DLD: variants seen among roughly 807,000 people sequenced by gnomAD.
DLD encodes dihydrolipoamide dehydrogenase, also known as dihydrolipoyl dehydrogenase, mitochondrial.
Under a neutral mutation model 62.2 loss-of-function variants are expected in DLD, and 36 were observed. That is an observed-to-expected ratio of 0.58 (90% CI 0.44 to 0.76). The LOEUF is 0.76. Among genes scored for constraint, DLD ranks in the 30% least tolerant of loss-of-function variants. The pLI is 0.00. For missense variants in DLD, 541 were observed against 608.6 expected (o/e 0.89, Z 1.17); for synonymous variants, 204 against 199.6 (o/e 1.02, Z -0.19).
At chr7:107,902,241 A>T in intron 3 of DLD, 84 bp from the exon 4 acceptor site, 1 of 1,190,106 alleles carries the variant, frequency 8.4e-7, no homozygotes, top group Non-Finnish European at 1.3e-6. Flanking sequence ...TGTTTTGTAG[A>T]AGAATTAAGA....
intron 7 of DLD, 166 bp downstream of exon 7, chr7:107,905,670 G>A: frequency 1.4e-6 from 1 of 713,136 alleles, no homozygotes; most frequent in Non-Finnish European, 2.4e-6. Context: ...CAGTGATTCT[G>A]ACCAGCTATA....
chr7:107,913,239 GCTTT>G (rs1473106001), intron 8 of DLD, among the ~76,000 whole-genome samples: 1 of 151,998 alleles, frequency 6.6e-6, no homozygotes, highest in Admixed American at 6.6e-5. Flanking sequence ...GATGTTTCCA[GCTTT>G]CTTCTTTTTA....
rs2032311388 is a variant in DLD, at chr7:107,917,950, C to T, written c.1263C>T (p.Phe421=). 1 of 1,613,858 alleles carries T rather than the reference C, an allele frequency of 6.2e-7. No individual in the cohort carries two copies. The highest frequency in any genetic ancestry group is 1.7e-5 in the Admixed American group (1 of 59,978). The part of the protein sequence containing the change: ...EEGIEYKVGK[F]PFAANSRAKT... ...GTATTGAGTACAAAGTTGGGAAATT[C>T]CCATTTGCTGCTAACAGCAGAGCTA... Residue 421 remains phenylalanine (F), a synonymous_variant, in exon 12 of 14, where the codon TTC becomes TTT. Coordinates refer to ENST00000205402, the MANE Select transcript of DLD (RefSeq NM_000108.5).
At chr7:107,901,085 G>A (rs1399969747) in intron 2 of DLD, among the ~76,000 whole-genome samples, 3 of 152,016 alleles carry the variant, frequency 2.0e-5, no homozygotes, top group African/African-American at 7.2e-5. Context: ...TTATCTTAAG[G>A]TATGTAAAAA....
At chr7:107,911,703 A>G (rs1448754881) in intron 8 of DLD, among the ~76,000 whole-genome samples, 1 of 149,018 alleles carries the variant, frequency 6.7e-6, no homozygotes, top group Non-Finnish European at 1.5e-5. Flanking sequence ...TTTTTTTTCT[A>G]TTTTTATTTT....
chr7:107,902,487 A>AATTGGAC, intron 4 of DLD, 94 bp downstream of exon 4: 1 of 1,065,302 alleles, frequency 9.4e-7, no homozygotes, highest in East Asian at 2.4e-5. Context: ...TACACTTGTT[A>AATTGGAC]AAAAACAATC....
chr7:107,891,395 CT>C, intron 1 of DLD, 106 bp downstream of exon 1: 1 of 1,286,190 alleles, frequency 7.8e-7, no homozygotes, highest in Non-Finnish European at 1.1e-6. Flanking sequence ...AGGCGGGCGC[CT>C]GGGCCGCACC....
rs775957704 is a variant in DLD at position 107,919,078 on chromosome 7, T to G, written c.1443T>G (p.Ala481=). 1.2e-6 allele frequency: 2 copies of G among 1,613,758 alleles called. No homozygotes were observed. The highest frequency in any genetic ancestry group is 4.5e-5 in the East Asian group (2 of 44,872). ...ATGGAGCATCCTGTGAAGATATAGC[T>G]AGAGTCTGTCATGCACATCCGGTAA... is the stretch of plus-strand genomic sequence containing the variant. ...LEYGASCEDI[A]RVCHAHPTLS... The change falls in exon 13 of 14, where the codon GCT becomes GCG. Residue 481 remains alanine (A), a synonymous_variant. Transcript: ENST00000205402.
At chr7:107,897,262 G>A (rs2031749664) in intron 2 of DLD, among the ~76,000 whole-genome samples, 6 of 152,166 alleles carry the variant, frequency 3.9e-5, no homozygotes, top group Admixed American at 3.9e-4. Context: ...TGTCATTTTA[G>A]TTGAAGTTCT....
chr7:107,891,654 A>G (rs1271112710), intron 1 of DLD: 3 of 403,340 alleles, frequency 7.4e-6, no homozygotes, highest in African/African-American at 6.2e-5. Context: ...TTTTTATACC[A>G]TTTGCCTTTT....
chr7:107,901,926 T>C, intron 3 of DLD, 109 bp downstream of exon 3: 1 of 854,582 alleles, frequency 1.2e-6, no homozygotes, highest in Non-Finnish European at 2.0e-6. Flanking sequence ...TCCTTAACTC[T>C]ATAAATTACT....
intron 12 of DLD, 126 bp downstream of exon 12, chr7:107,918,187 C>T (rs1162148255): frequency 2.0e-6 from 2 of 1,002,528 alleles, no homozygotes; most frequent in African/African-American, 3.2e-5. Context: ...ATATGGCTCT[C>T]TGTGCATCAT....
intron 2 of DLD, among the ~76,000 whole-genome samples, chr7:107,898,785 G>A (rs1296799290): frequency 6.7e-6 from 1 of 150,072 alleles, no homozygotes; most frequent in African/African-American, 2.5e-5. Flanking sequence ...GTAGAGACGG[G>A]GTTTGGTCTT....
intron 3 of DLD, 132 bp from the exon 4 acceptor site, chr7:107,902,193 T>C: frequency 1.3e-6 from 1 of 753,422 alleles, no homozygotes. Flanking sequence ...TATAAAGGAC[T>C]ATATATTTTA....
At chr7:107,908,405 T>C (rs1300433296) in intron 8 of DLD, among the ~76,000 whole-genome samples, 1 of 152,072 alleles carries the variant, frequency 6.6e-6, no homozygotes, top group Non-Finnish European at 1.5e-5. Flanking sequence ...TGATGGTTCA[T>C]GTCTATAATC....
At chr7:107,902,462 A>G (rs1223927475) in intron 4 of DLD, 69 bp downstream of exon 4, 4 of 1,270,864 alleles carry the variant, frequency 3.1e-6, no homozygotes, top group African/African-American at 1.5e-5. Context: ...ATGGATTGAG[A>G]CTAGATTAGA....
At chr7:107,896,565 G>C (rs889064573) in intron 2 of DLD, among the ~76,000 whole-genome samples, 2 of 152,142 alleles carry the variant, frequency 1.3e-5, no homozygotes, top group African/African-American at 4.8e-5. Flanking sequence ...AGGAGGTTAT[G>C]ACTAGAAAGT....
At chr7:107,905,228 C>G (rs934792284) in intron 6 of DLD, 133 bp from the exon 7 acceptor site, 25 of 1,094,422 alleles carry the variant, frequency 2.3e-5, no homozygotes, top group Non-Finnish European at 3.0e-5. Context: ...TTTTGCTGCA[C>G]CATGGTGTAG....
chr7:107,897,447 T>C (rs1338142351), intron 2 of DLD, among the ~76,000 whole-genome samples: 1 of 152,204 alleles, frequency 6.6e-6, no homozygotes, highest in East Asian at 1.9e-4. Flanking sequence ...CTTTTCTTCC[T>C]CTGTTAATGG....
Sources: allele counts gnomAD v4.1 joint callset (sites outside exome capture counted in the v4.1 genomes callset), GRCh38; gene constraint gnomAD v4.1.1; transcripts MANE v1.5; gene names NCBI Gene and HGNC (gene_info 2026-07-23, HGNC 2026-07-21).